FHIT: variants seen among roughly 807,000 people sequenced by gnomAD.
The protein encoded by FHIT is fragile histidine triad diadenosine triphosphatase, also known as bis(5'-adenosyl)-triphosphatase.
In FHIT, 19 loss-of-function variants were observed where a neutral mutation model predicts 17.9. That is an observed-to-expected ratio of 1.06 (90% CI 0.74 to 1.56). The LOEUF is 1.56. FHIT is among the 40% of genes most tolerant of loss of function. The pLI is 0.00. For synonymous variants in FHIT, 81 were observed against 69.7 expected (o/e 1.16, Z -0.81); for missense variants, 248 against 189.2 (o/e 1.31, Z -1.82).
intron 5 of FHIT, among the ~76,000 whole-genome samples, chr3:60,035,500 G>A (rs370972672): frequency 5.9e-5 from 9 of 152,278 alleles, no homozygotes; most frequent in South Asian, 4.1e-4. Context: ...GATTACAGGC[G>A]TGAGCCACCA....
At chr3:60,474,916 C>A (rs940847824) in intron 5 of FHIT, among the ~76,000 whole-genome samples, 5 of 152,192 alleles carry the variant, frequency 3.3e-5, no homozygotes, top group Non-Finnish European at 7.3e-5. Flanking sequence ...AGCCACCGCA[C>A]CTGGCCAACA....
intron 5 of FHIT, among the ~76,000 whole-genome samples, chr3:60,110,695 G>C (rs1191038983): frequency 6.6e-6 from 1 of 152,132 alleles, no homozygotes; most frequent in Non-Finnish European, 1.5e-5. Context: ...TAAGCACCAA[G>C]TGTTACATAT....
rs201555469 is a variant in FHIT at position 60,955,597 on chromosome 3, C to CATATATATAT, written c.-111+86440_-111+86449dup. ...ATGTATCTGCTTAGGCATATATATA[C>CATATATATAT]ATATATATATATATATATATATATA... is the stretch of plus-strand genomic sequence containing the variant. On this transcript the variant is annotated intron_variant, in intron 3 of 9. Coordinates refer to ENST00000492590, the MANE Select transcript of FHIT (RefSeq NM_002012.4). Among the ~76,000 whole-genome samples, 278 of 77,532 alleles carry CATATATATAT rather than the reference C, an allele frequency of 3.6e-3. 2 individuals carry two copies. The highest frequency in any genetic ancestry group is 0.016 in the African/African-American group (266 of 16,542). The allele number at this position is 77,532 out of a possible 152,430, so 50.9% of individuals were successfully genotyped here.
At chr3:59,851,529 C>T (rs1280186175) in intron 8 of FHIT, among the ~76,000 whole-genome samples, 2 of 152,138 alleles carry the variant, frequency 1.3e-5, no homozygotes, top group Non-Finnish European at 2.9e-5. Flanking sequence ...GAGCTTCAAA[C>T]CCAGGTTTAG....
At chr3:59,824,197 C>G (rs1017158996) in intron 8 of FHIT, among the ~76,000 whole-genome samples, 7 of 152,156 alleles carry the variant, frequency 4.6e-5, no homozygotes, top group African/African-American at 1.7e-4. Context: ...CTTAGACTTT[C>G]TCTATCCCTA....
chr3:59,878,755 G>C (rs1703272837), intron 8 of FHIT, among the ~76,000 whole-genome samples: 2 of 152,198 alleles, frequency 1.3e-5, no homozygotes, highest in African/African-American at 4.8e-5. Context: ...CGAGCGTTTA[G>C]AGAAGAACAT....
At chr3:60,898,233 T>C (rs1458847777) in intron 3 of FHIT, among the ~76,000 whole-genome samples, 1 of 152,224 alleles carries the variant, frequency 6.6e-6, no homozygotes. Context: ...TACATGGTAT[T>C]ATACTGTATA....
At chr3:61,214,231 A>G (rs1324376325) in intron 1 of FHIT, among the ~76,000 whole-genome samples, 6 of 150,664 alleles carry the variant, frequency 4.0e-5, no homozygotes, top group Non-Finnish European at 7.4e-5. Flanking sequence ...GGTTTTTTGA[A>G]AGGATCAACA....
chr3:60,553,312 A>C lies in FHIT; in HGVS notation c.-17-16333T>G, dbSNP rs953413924. On this transcript the variant is annotated intron_variant, in intron 4 of 9. Coordinates refer to ENST00000492590, the MANE Select transcript of FHIT (RefSeq NM_002012.4). Reference sequence around the variant, plus strand: ...TATACATTGTTTTGGTTAAAGTTGTAGTTTCTAAGAAACCTACCTATGACT... The same window carrying C: ...TATACATTGTTTTGGTTAAAGTTGTCGTTTCTAAGAAACCTACCTATGACT... The C allele has an allele frequency of 1.7e-5, 10 of 571,768 alleles. No individual in the cohort carries two copies. The Admixed American group carries it at 1.9e-4, about 11-fold the overall frequency. 35.4% of individuals were successfully genotyped at this position (571,768 alleles called of 1,614,324 possible).
intron 4 of FHIT, among the ~76,000 whole-genome samples, chr3:60,742,700 T>G (rs533657104): frequency 6.6e-6 from 1 of 152,338 alleles, no homozygotes; most frequent in South Asian, 2.1e-4. Context: ...TCACCACTTT[T>G]GCATTTAGTT....
intron 3 of FHIT, among the ~76,000 whole-genome samples, chr3:60,899,280 G>C (rs527652560): frequency 6.6e-6 from 1 of 152,192 alleles, no homozygotes; most frequent in East Asian, 1.9e-4. Context: ...GTTTTCCTCG[G>C]AGTTGATCAC....
At chr3:60,610,789 C>T (rs2038761890) in intron 4 of FHIT, among the ~76,000 whole-genome samples, 1 of 152,162 alleles carries the variant, frequency 6.6e-6, no homozygotes, top group Non-Finnish European at 1.5e-5. Flanking sequence ...CCTGTCATTT[C>T]AGTTATGCAA....
chr3:60,837,997 C>G (rs1361022650), intron 3 of FHIT, among the ~76,000 whole-genome samples: 1 of 152,158 alleles, frequency 6.6e-6, no homozygotes, highest in East Asian at 1.9e-4. Flanking sequence ...AAACTTCAAA[C>G]ACAATTAGAG....
intron 3 of FHIT, among the ~76,000 whole-genome samples, chr3:60,968,699 C>T (rs570269213): frequency 3.0e-4 from 46 of 152,256 alleles, no homozygotes; most frequent in African/African-American, 1.1e-3. Flanking sequence ...GCCGCCCTGC[C>T]CGGCCCCTGC....
intron 5 of FHIT, among the ~76,000 whole-genome samples, chr3:60,387,032 T>C (rs1369279767): frequency 6.6e-6 from 1 of 151,050 alleles, no homozygotes; most frequent in South Asian, 2.1e-4. Context: ...TCTTTTTTTT[T>C]TTTGGAGTGC....
At chr3:60,092,416 G>A (rs1703771634) in intron 5 of FHIT, among the ~76,000 whole-genome samples, 1 of 152,100 alleles carries the variant, frequency 6.6e-6, no homozygotes, top group South Asian at 2.1e-4. Flanking sequence ...GAAGTACGAA[G>A]CAACATTTTA....
intron 2 of FHIT, among the ~76,000 whole-genome samples, chr3:61,156,938 A>G (rs1171457298): frequency 6.6e-6 from 1 of 152,206 alleles, no homozygotes; most frequent in African/African-American, 2.4e-5. Context: ...TGATTCTTAC[A>G]TGCCTACTAA....
intron 5 of FHIT, among the ~76,000 whole-genome samples, chr3:60,339,529 G>A (rs987487808): frequency 1.3e-5 from 2 of 152,120 alleles, no homozygotes; most frequent in African/African-American, 2.4e-5. Flanking sequence ...CCTCAAGTAC[G>A]TGTCAGAGGG....
At chr3:60,617,601 A>C (rs1383839542) in intron 4 of FHIT, 1 of 152,798 alleles carries the variant, frequency 6.5e-6, no homozygotes, top group African/African-American at 2.4e-5. Flanking sequence ...TTGCTATTTT[A>C]ATATGTGGTC....
Sources: allele counts gnomAD v4.1 joint callset (sites outside exome capture counted in the v4.1 genomes callset), GRCh38; gene constraint gnomAD v4.1.1; transcripts MANE v1.5; gene names NCBI Gene and HGNC (gene_info 2026-07-23, HGNC 2026-07-21).